The following SERPINE2 variants were observed in gnomAD, a reference collection of about 807,000 sequenced individuals.
SERPINE2 encodes the protein glia-derived nexin.
SERPINE2 carries 14 observed loss-of-function variants against 36.3 expected under a neutral mutation model. The observed-to-expected ratio is 0.39, with a 90% confidence interval of 0.25 to 0.60. SERPINE2 has a LOEUF of 0.60. Ranked by LOEUF, SERPINE2 falls within the 20% of genes least tolerant of loss-of-function variation. The pLI, the probability that SERPINE2 is intolerant of heterozygous loss-of-function variation, is 0.57. For missense variants in SERPINE2, 418 were observed against 499.6 expected (o/e 0.84, Z 1.56); for synonymous variants, 192 against 191.8 (o/e 1.00, Z -0.01).
At chr2:224,034,726 C>T (rs1692479515) in intron 1 of SERPINE2, among the ~76,000 whole-genome samples, 1 of 152,162 alleles carries the variant, frequency 6.6e-6, no homozygotes, top group Admixed American at 6.5e-5. Context: ...TGGCCTATGC[C>T]TCCATATTTA....
intron 1 of SERPINE2, among the ~76,000 whole-genome samples, chr2:224,016,357 T>C (rs932458062): frequency 6.6e-6 from 1 of 152,060 alleles, no homozygotes; most frequent in Non-Finnish European, 1.5e-5. Flanking sequence ...AATATAAAAA[T>C]TAGTCAGTCG....
intron 1 of SERPINE2, chr2:224,031,035 C>T (rs1236146273): frequency 2.0e-6 from 2 of 985,204 alleles, no homozygotes; most frequent in South Asian, 4.7e-5. Flanking sequence ...AGGGCTATCA[C>T]GCAGCACGGC....
At chr2:224,016,506 CA>C (rs34770432) in intron 1 of SERPINE2, among the ~76,000 whole-genome samples, 43,668 of 139,214 alleles carry the variant, frequency 0.31, 7,060 homozygotes, top group African/African-American at 0.47. Flanking sequence ...AAGTCCGTCT[CA>C]AAAAAAAAAA....
chr2:223,994,644 A>G (rs1330682972), intron 3 of SERPINE2, among the ~76,000 whole-genome samples: 1 of 152,188 alleles, frequency 6.6e-6, no homozygotes, highest in East Asian at 1.9e-4. Flanking sequence ...ATTTAAATAA[A>G]TATCTGGAAG....
chr2:223,982,900 T>C (rs1215898126), intron 5 of SERPINE2, 119 bp from the exon 6 acceptor site: 6 of 642,348 alleles, frequency 9.3e-6, no homozygotes, highest in Non-Finnish European at 1.5e-5. Context: ...CCGATCTGAA[T>C]TGCATCTTAA....
chr2:224,019,171 C>T (rs1032236954), intron 1 of SERPINE2, among the ~76,000 whole-genome samples: 2 of 152,020 alleles, frequency 1.3e-5, no homozygotes, highest in African/African-American at 4.8e-5. Context: ...ATGTTTTTTT[C>T]CTGTTCATAA....
chr2:223,975,572 C>T lies in SERPINE2; in HGVS notation c.*295G>A, dbSNP rs1689974709. Reference sequence around the variant, plus strand: ...AAAAATTCCTGAACTGGACAAACAGCAAATACTCAACAGGGTTGTTAACCT... The same window carrying T: ...AAAAATTCCTGAACTGGACAAACAGTAAATACTCAACAGGGTTGTTAACCT... On this transcript the variant is annotated 3_prime_UTR_variant, in exon 9 of 9. Coordinates refer to ENST00000409304, the MANE Select transcript of SERPINE2 (RefSeq NM_001136528.2). The T allele has an allele frequency of 3.4e-6, 1 of 293,288 alleles. No homozygotes were observed. The highest frequency in any genetic ancestry group is 2.2e-5 in the African/African-American group (1 of 46,220). The allele number at this position is 293,288 out of a possible 1,614,324, so 18.2% of individuals were successfully genotyped here.
Position 223,998,167 on chromosome 2 carries a change from A to G in SERPINE2, c.435T>C (p.Asp145=), listed in dbSNP as rs780363444. The change falls in exon 3 of 9, where the codon GAT becomes GAC. Residue 145 remains aspartate (D), a synonymous_variant. Coordinates refer to ENST00000409304, the MANE Select transcript of SERPINE2 (RefSeq NM_001136528.2). ...QCEVRNVNFE[D]PASACDSINA... is the part of the protein sequence containing the mutation. ...TGATGGAATCACAGGCAGAGGCTGGATCCTCAAAGTTCACATTCCGGACCT... is the reference window on the plus strand; with the variant it reads ...TGATGGAATCACAGGCAGAGGCTGGGTCCTCAAAGTTCACATTCCGGACCT... The G allele has an allele frequency of 2.5e-6, 4 of 1,614,216 alleles. No homozygotes were observed. Among genetic ancestry groups the G allele is most frequent in the South Asian group, 1.1e-5 (1 of 91,086 alleles).
intron 1 of SERPINE2, among the ~76,000 whole-genome samples, chr2:224,018,942 C>T (rs1356963989): frequency 6.6e-6 from 1 of 152,206 alleles, no homozygotes; most frequent in Non-Finnish European, 1.5e-5. Flanking sequence ...CCTGCACTGC[C>T]CCAGTGACTC....
At chr2:224,022,316 A>G in intron 1 of SERPINE2, among the ~76,000 whole-genome samples, 1 of 123,430 alleles carries the variant, frequency 8.1e-6, no homozygotes, top group African/African-American at 3.0e-5. Flanking sequence ...TGGGTGATAG[A>G]GTGAGACCCT....
chr2:224,031,759 A>ACCCCCCC (rs5839038), intron 1 of SERPINE2, among the ~76,000 whole-genome samples: 8 of 93,664 alleles, frequency 8.5e-5, no homozygotes, highest in African/African-American at 1.5e-4. Flanking sequence ...TCCACCCCCC[A>ACCCCCCC]CCCCCCCCGC....
At chr2:223,985,030 G>T in intron 4 of SERPINE2, 80 bp from the exon 5 acceptor site, 1 of 1,216,272 alleles carries the variant, frequency 8.2e-7, no homozygotes, top group Non-Finnish European at 1.2e-6. Flanking sequence ...CACCGGGATA[G>T]CTTCAGAGAG....
rs771120035 is a variant in SERPINE2 at position 223,975,857 on chromosome 2, T to C, written c.*10A>G. ...AGTCGTTGCTTTGCATGGTTTCTTT[T>C]GTATACTCTTCAGGGTTTGTTTATC... is the stretch of plus-strand genomic sequence containing the variant. On this transcript the variant is annotated 3_prime_UTR_variant, in exon 9 of 9. Transcript: ENST00000409304. The C allele has an allele frequency of 1.3e-6, 2 of 1,576,898 alleles. No homozygotes were observed. Among genetic ancestry groups the C allele is most frequent in the East Asian group, 4.5e-5 (2 of 44,510 alleles).
intron 1 of SERPINE2, chr2:224,030,134 G>A (rs1009365973): frequency 1.2e-5 from 12 of 985,326 alleles, no homozygotes; most frequent in Non-Finnish European, 1.4e-5. Context: ...CAAATGCAAG[G>A]GTGGAGTCAG....
In SERPINE2 at chr2:224,004,960, T is replaced by C. The variant is rs527938330; in HGVS notation, c.-22-3038A>G. Among the ~76,000 whole-genome samples the C allele has an allele frequency of 6.1e-5, 9 of 147,296 alleles. No homozygotes were observed. In the South Asian group the frequency reaches 1.9e-3, roughly 31 times the overall value. ...AACATTAAACTGGTTTTGCCTCTGGTAGCTTAAAGTTGATAGACTCAAATA... is the reference window on the plus strand; with the variant it reads ...AACATTAAACTGGTTTTGCCTCTGGCAGCTTAAAGTTGATAGACTCAAATA... On this transcript the variant is annotated intron_variant, in intron 1 of 8. Coordinates refer to ENST00000409304, the MANE Select transcript of SERPINE2 (RefSeq NM_001136528.2).
At chr2:223,998,987 C>G (rs1034048451) in intron 2 of SERPINE2, among the ~76,000 whole-genome samples, 1 of 152,186 alleles carries the variant, frequency 6.6e-6, no homozygotes, top group Non-Finnish European at 1.5e-5. Context: ...GTTCTATAGC[C>G]AAGGGGGAAC....
intron 1 of SERPINE2, among the ~76,000 whole-genome samples, chr2:224,006,666 G>A (rs1422979291): frequency 6.6e-6 from 1 of 152,194 alleles, no homozygotes; most frequent in African/African-American, 2.4e-5. Context: ...TTCATTGGTA[G>A]ACACAAAATC....
chr2:223,987,784 A>G (rs1690491088), intron 4 of SERPINE2, among the ~76,000 whole-genome samples: 1 of 152,196 alleles, frequency 6.6e-6, no homozygotes, highest in East Asian at 1.9e-4. Flanking sequence ...TTCCACTTTA[A>G]GTGCTACTAG....
intron 1 of SERPINE2, among the ~76,000 whole-genome samples, chr2:224,014,849 C>A (rs1002427761): frequency 2.0e-5 from 3 of 152,178 alleles, no homozygotes; most frequent in South Asian, 2.1e-4. Context: ...CCAGGCCTGG[C>A]GCTGGGATGC....
Sources: allele counts gnomAD v4.1 joint callset (sites outside exome capture counted in the v4.1 genomes callset), GRCh38; gene constraint gnomAD v4.1.1; transcripts MANE v1.5; gene names NCBI Gene and HGNC (gene_info 2026-07-23, HGNC 2026-07-21).